FER1L6: variants seen among roughly 807,000 people sequenced by gnomAD.
The protein encoded by FER1L6 is fer-1-like protein 6.
Under a neutral mutation model 219.2 loss-of-function variants are expected in FER1L6, and 177 were observed. The ratio of observed to expected loss-of-function variants is 0.81; its 90% CI spans 0.71 to 0.91. FER1L6 has a LOEUF of 0.91. FER1L6 is among the 40% of genes least tolerant of loss of function. The probability of loss-of-function intolerance (pLI) is 0.00; values close to 1 mark genes in which losing one functional copy is unlikely to be tolerated. For missense variants in FER1L6, 2,153 were observed against 2,259.9 expected (o/e 0.95, Z 0.96); for synonymous variants, 768 against 824.3 (o/e 0.93, Z 1.17).
At chr8:123,949,263 A>G (rs1814641408) in intron 1 of FER1L6, among the ~76,000 whole-genome samples, 1 of 152,154 alleles carries the variant, frequency 6.6e-6, no homozygotes, top group South Asian at 2.1e-4. Context: ...ACAGTGCACA[A>G]TTGTGGCTTT....
chr8:123,864,950 T>G (rs1467638124), intron 1 of FER1L6, among the ~76,000 whole-genome samples: 1 of 151,188 alleles, frequency 6.6e-6, no homozygotes, highest in African/African-American at 2.5e-5. Flanking sequence ...CTCAGAGTAA[T>G]TTGATCGTCT....
intron 1 of FER1L6, among the ~76,000 whole-genome samples, chr8:123,873,565 G>C (rs1402065221): frequency 6.6e-6 from 1 of 151,870 alleles, no homozygotes; most frequent in Non-Finnish European, 1.5e-5. Context: ...TCTCCTTCTA[G>C]CTCTGAAGTA....
intron 13 of FER1L6, among the ~76,000 whole-genome samples, chr8:124,005,390 T>A (rs528476253): frequency 9.2e-5 from 14 of 152,352 alleles, no homozygotes; most frequent in African/African-American, 3.4e-4. Context: ...CAGTGCCCCA[T>A]GGCAGTATCC....
intron 6 of FER1L6, among the ~76,000 whole-genome samples, chr8:123,970,900 A>G (rs879868077): frequency 2.6e-5 from 4 of 152,216 alleles, no homozygotes; most frequent in Admixed American, 2.6e-4. Flanking sequence ...CCAATGGATG[A>G]CATACTGCAT....
At chr8:123,955,897 C>A in intron 1 of FER1L6, 95 bp from the exon 2 acceptor site, 1 of 1,150,674 alleles carries the variant, frequency 8.7e-7, no homozygotes. Flanking sequence ...GGCTGGTGGG[C>A]TTCATGAAGC....
intron 1 of FER1L6, among the ~76,000 whole-genome samples, chr8:123,938,548 T>A (rs1271482994): frequency 1.4e-5 from 2 of 146,210 alleles, no homozygotes; most frequent in African/African-American, 5.3e-5. Flanking sequence ...GAAATTTTTT[T>A]TTTTTTTTTT....
chr8:124,094,176 C>T (rs76628258), intron 34 of FER1L6, among the ~76,000 whole-genome samples: 5,507 of 152,214 alleles, frequency 0.036, 313 homozygotes, highest in African/African-American at 0.12. Context: ...TTGTGCCCAT[C>T]TCACCACCTC....
chr8:123,888,117 C>CTTTTTT (rs77546163), intron 1 of FER1L6, among the ~76,000 whole-genome samples: 1 of 150,518 alleles, frequency 6.6e-6, no homozygotes. Flanking sequence ...CTGATATTCT[C>CTTTTTT]TTTTTTTTTC....
At chr8:123,922,037 T>C (rs756013353) in intron 1 of FER1L6, among the ~76,000 whole-genome samples, 4 of 152,212 alleles carry the variant, frequency 2.6e-5, no homozygotes, top group Non-Finnish European at 5.9e-5. Flanking sequence ...TTATCTCCTT[T>C]CGCCCCAGGT....
intron 1 of FER1L6, among the ~76,000 whole-genome samples, chr8:123,944,933 T>C (rs1332332791): frequency 3.9e-5 from 6 of 152,340 alleles, no homozygotes. Flanking sequence ...TCTCTATAAG[T>C]TGAGCTTTTC....
chr8:124,095,216 T>A (rs1822228839), intron 35 of FER1L6, among the ~76,000 whole-genome samples, 178 bp downstream of exon 35: 1 of 152,206 alleles, frequency 6.6e-6, no homozygotes, highest in African/African-American at 2.4e-5. Flanking sequence ...AGGCCAAGGA[T>A]GCTGCTAAAT....
At chr8:123,904,017 A>C (rs781423577) in intron 1 of FER1L6, among the ~76,000 whole-genome samples, 2 of 152,146 alleles carry the variant, frequency 1.3e-5, no homozygotes, top group Non-Finnish European at 2.9e-5. Context: ...CAGTGATAAC[A>C]CAGAAGACTT....
chr8:124,096,761 A>G (rs183667997), intron 35 of FER1L6, among the ~76,000 whole-genome samples: 11 of 152,346 alleles, frequency 7.2e-5, no homozygotes, highest in Admixed American at 6.5e-4. Flanking sequence ...AGGTAAAGGT[A>G]CATTGAAGCA....
At position 123,867,239 on chromosome 8, in the gene FER1L6, G is replaced by A. The variant is rs528411219; in HGVS notation, c.-8+15054G>A. 2.9e-3 allele frequency among the ~76,000 whole-genome samples: 448 copies of A among 152,272 alleles called. 3 individuals carry two copies. Among genetic ancestry groups the A allele is most frequent in the Non-Finnish European group, 5.2e-3 (353 of 68,002 alleles). ...TTTTATTCATTTTGAATTGATCTTTGTATATGGTGTGACATTTTCATTTAG... is the reference window on the plus strand; with the variant it reads ...TTTTATTCATTTTGAATTGATCTTTATATATGGTGTGACATTTTCATTTAG... On this transcript the variant is annotated intron_variant, in intron 1 of 40. Transcript: ENST00000522917.
intron 7 of FER1L6, among the ~76,000 whole-genome samples, chr8:123,973,718 GT>G (rs915828324): frequency 2.6e-5 from 4 of 151,988 alleles, no homozygotes; most frequent in African/African-American, 9.7e-5. Flanking sequence ...CTTCTGGGGA[GT>G]TTTTTTTCTC....
chr8:124,077,069 A>G (rs1462956800), intron 32 of FER1L6, among the ~76,000 whole-genome samples: 2 of 152,214 alleles, frequency 1.3e-5, no homozygotes, highest in Non-Finnish European at 2.9e-5. Context: ...CCTGTCTGTC[A>G]TTCACTCTGG....
At chr8:124,118,238 C>T (rs28630423) in intron 39 of FER1L6, among the ~76,000 whole-genome samples, 2,856 of 152,210 alleles carry the variant, frequency 0.019, 97 homozygotes, top group African/African-American at 0.066. Context: ...GACATACATC[C>T]CTGACAGAAA....
chr8:123,965,832 T>C (rs1051111773), intron 3 of FER1L6, among the ~76,000 whole-genome samples, 175 bp from the exon 4 acceptor site: 1 of 152,218 alleles, frequency 6.6e-6, no homozygotes, highest in Non-Finnish European at 1.5e-5. Context: ...ATTTTTAGGA[T>C]GAGAAAACTC....
Position 124,112,835 on chromosome 8 carries a change from CAA to C in FER1L6, c.5290-6008_5290-6007del, listed in dbSNP as rs1161249700. Among the ~76,000 whole-genome samples, 4 of 151,984 alleles carry C rather than the reference CAA, an allele frequency of 2.6e-5. No homozygotes were observed. The East Asian group carries it at 7.7e-4, about 29-fold the overall frequency. On this transcript the variant is annotated intron_variant, in intron 39 of 40. Coordinates refer to ENST00000522917, the MANE Select transcript of FER1L6 (RefSeq NM_001039112.2). ...TTAAATAGTATTTAGCAAGATCAGA[CAA>C]GAGCAGACAAGGGAGATATTTTTAT...
Sources: allele counts gnomAD v4.1 joint callset (sites outside exome capture counted in the v4.1 genomes callset), GRCh38; gene constraint gnomAD v4.1.1; transcripts MANE v1.5; gene names NCBI Gene and HGNC (gene_info 2026-07-23, HGNC 2026-07-21).